CSGALNACT1: variants seen among roughly 807,000 people sequenced by gnomAD.
The protein encoded by CSGALNACT1 is beta4GalNAcT-1.
CSGALNACT1 carries 52 observed loss-of-function variants against 51.0 expected under a neutral mutation model. That is an observed-to-expected ratio of 1.02 (90% confidence interval 0.82 to 1.29). The LOEUF (loss-of-function observed/expected upper bound fraction) is 1.29. Among genes scored for constraint, CSGALNACT1 ranks in the 50% most tolerant of loss-of-function variants. CSGALNACT1 has a pLI of 0.00. For missense variants in CSGALNACT1, 935 were observed against 679.2 expected, an observed-to-expected ratio of 1.38 and a Z score of -4.19; for synonymous variants, 341 against 254.4, an observed-to-expected ratio of 1.34 and a Z score of -3.24.
chr8:19,473,030 G>T (rs993039955), intron 4 of CSGALNACT1, among the ~76,000 whole-genome samples: 3 of 152,024 alleles, frequency 2.0e-5, no homozygotes, highest in African/African-American at 7.3e-5. Flanking sequence ...ATGTATTACT[G>T]CTCTCAGTCA....
chr8:19,634,854 T>A (rs563287650), intron 1 of CSGALNACT1, among the ~76,000 whole-genome samples: 44 of 152,248 alleles, frequency 2.9e-4, no homozygotes, highest in African/African-American at 1.0e-3. Flanking sequence ...ACTCGGCCTA[T>A]GGTATTTTGT....
chr8:19,504,571 G>A (rs762053993), intron 4 of CSGALNACT1, among the ~76,000 whole-genome samples: 7 of 151,940 alleles, frequency 4.6e-5, no homozygotes, highest in African/African-American at 1.5e-4. Context: ...GCTGTCCTAC[G>A]CCCGTGAAAA....
At chr8:19,583,361 T>A (rs1425812649) in intron 3 of CSGALNACT1, among the ~76,000 whole-genome samples, 1 of 152,204 alleles carries the variant, frequency 6.6e-6, no homozygotes, top group East Asian at 1.9e-4. Flanking sequence ...AGAAGTTCCT[T>A]TGGATTTCTT....
intron 1 of CSGALNACT1, among the ~76,000 whole-genome samples, chr8:19,651,941 ACTT>A (rs1205610551): frequency 7.3e-6 from 1 of 137,374 alleles, no homozygotes; most frequent in East Asian, 2.0e-4. Context: ...TTTTGTTTTG[ACTT>A]TTTTTAGACA....
chr8:19,565,780 G>A (rs949373682), intron 3 of CSGALNACT1, among the ~76,000 whole-genome samples: 4 of 152,098 alleles, frequency 2.6e-5, no homozygotes, highest in African/African-American at 4.8e-5. Flanking sequence ...TTAGCCTGGT[G>A]CACATCTGTA....
chr8:19,568,567 T>C (rs752410884), intron 3 of CSGALNACT1, among the ~76,000 whole-genome samples: 1 of 152,190 alleles, frequency 6.6e-6, no homozygotes, highest in Non-Finnish European at 1.5e-5. Context: ...CTATATTAAC[T>C]GTGAAAAACA....
intron 6 of CSGALNACT1, among the ~76,000 whole-genome samples, chr8:19,421,966 G>A (rs2058024777): frequency 6.6e-6 from 1 of 152,124 alleles, no homozygotes; most frequent in Non-Finnish European, 1.5e-5. Context: ...CCCCATAAGT[G>A]TTCAACAGAT....
intron 1 of CSGALNACT1, among the ~76,000 whole-genome samples, chr8:19,669,243 T>G (rs73214699): frequency 0.021 from 3,248 of 152,318 alleles, 54 homozygotes; most frequent in South Asian, 0.048. Flanking sequence ...CCAGCAGACA[T>G]GCAACCACAG....
At chr8:19,666,833 GAAAGAAAGAAAGAAAGAA>G (rs1397096176) in intron 1 of CSGALNACT1, among the ~76,000 whole-genome samples, 12 of 28,380 alleles carry the variant, frequency 4.2e-4, no homozygotes, top group Admixed American at 3.2e-4. Context: ...GAGAGAGAGA[GAAAGAAAGAAAGAAAGAA>G]AGAAAGAAAG....
intron 1 of CSGALNACT1, among the ~76,000 whole-genome samples, chr8:19,622,460 G>A (rs576448715): frequency 3.0e-4 from 45 of 152,240 alleles, no homozygotes; most frequent in Non-Finnish European, 5.1e-4. Flanking sequence ...AAAAGAAATC[G>A]TATGAACTTA....
At chr8:19,746,399 G>C (rs1459601217) in intron 1 of CSGALNACT1, among the ~76,000 whole-genome samples, 3 of 152,098 alleles carry the variant, frequency 2.0e-5, no homozygotes, top group African/African-American at 7.2e-5. Context: ...ATTGGCCATG[G>C]TACCTAATGA....
intron 3 of CSGALNACT1, among the ~76,000 whole-genome samples, chr8:19,568,090 G>A (rs1326442898): frequency 6.6e-6 from 1 of 152,080 alleles, no homozygotes. Flanking sequence ...ATTGGTTTTT[G>A]CAATGTAGAG....
chr8:19,418,653 C>T lies in CSGALNACT1; in HGVS notation c.1227+3G>A. On this transcript the variant is annotated splice_donor_region_variant and intron_variant, in intron 8 of 9. Coordinates refer to ENST00000454498, the Ensembl canonical transcript of CSGALNACT1. Reference sequence around the variant, plus strand: ...CAGAGCCATCTGCAGGGTAATTACTCACCAGCTGCTGTTCCAAGGGAGGGA... The same window carrying T: ...CAGAGCCATCTGCAGGGTAATTACTTACCAGCTGCTGTTCCAAGGGAGGGA... The T allele has an allele frequency of 1.3e-6, 2 of 1,599,916 alleles. No individual in the cohort carries two copies. Among genetic ancestry groups the T allele is most frequent in the Non-Finnish European group, 1.7e-6 (2 of 1,167,090 alleles).
chr8:19,550,319 C>G (rs1180595929), intron 3 of CSGALNACT1, among the ~76,000 whole-genome samples: 2 of 152,118 alleles, frequency 1.3e-5, no homozygotes, highest in East Asian at 3.9e-4. Context: ...TTTTGGACTT[C>G]TTAAAGTGAG....
At chr8:19,474,076 T>C (rs1020035706) in intron 4 of CSGALNACT1, among the ~76,000 whole-genome samples, 52 of 152,292 alleles carry the variant, frequency 3.4e-4, no homozygotes, top group African/African-American at 1.1e-3. Context: ...AAAAAAGAAC[T>C]AGCCATTACA....
At chr8:19,422,480 G>A (rs558482388) in intron 6 of CSGALNACT1, among the ~76,000 whole-genome samples, 1 of 152,270 alleles carries the variant, frequency 6.6e-6, no homozygotes, top group African/African-American at 2.4e-5. Context: ...ACCACACCTG[G>A]ACAAGACTCT....
At chr8:19,749,351 G>T (rs1379197937) in intron 1 of CSGALNACT1, among the ~76,000 whole-genome samples, 1 of 144,348 alleles carries the variant, frequency 6.9e-6, no homozygotes, top group African/African-American at 2.6e-5. Context: ...TTAAATTTTT[G>T]GCTTTAAAAA....
chr8:19,536,435 T>G (rs775941640), intron 3 of CSGALNACT1, among the ~76,000 whole-genome samples: 3 of 152,042 alleles, frequency 2.0e-5, no homozygotes, highest in Admixed American at 2.0e-4. Context: ...CTAAAAAAAA[T>G]TTAAATACTT....
chr8:19,434,676 A>G (rs2060116270), intron 6 of CSGALNACT1, among the ~76,000 whole-genome samples: 1 of 152,204 alleles, frequency 6.6e-6, no homozygotes, highest in South Asian at 2.1e-4. Flanking sequence ...GGCAAATGCC[A>G]GGTGAGATGG....
Sources: allele counts gnomAD v4.1 joint callset (sites outside exome capture counted in the v4.1 genomes callset), GRCh38; gene constraint gnomAD v4.1.1; transcripts MANE v1.5; gene names NCBI Gene and HGNC (gene_info 2026-07-23, HGNC 2026-07-21).